The following GALNTL6 variants were observed in gnomAD, a reference collection of about 807,000 sequenced individuals.
The protein encoded by GALNTL6 is polypeptide N-acetylgalactosaminyltransferase like 6, also known as polypeptide N-acetylgalactosaminyltransferase-like 6.
Under a neutral mutation model 73.7 loss-of-function variants are expected in GALNTL6, and 46 were observed. The observed-to-expected ratio is 0.62, with a 90% CI of 0.49 to 0.80. The LOEUF (loss-of-function observed/expected upper bound fraction) is 0.80, where lower values mean the gene tolerates loss of function less well. Ranked by LOEUF, GALNTL6 falls within the 30% of genes least tolerant of loss-of-function variation. The probability of loss-of-function intolerance (pLI) is 0.00; values close to 1 mark genes in which losing one functional copy is unlikely to be tolerated. For synonymous variants in GALNTL6, 259 were observed against 263.7 expected (o/e 0.98, Z 0.17); for missense variants, 604 against 755.0 (o/e 0.80, Z 2.34).
chr4:171,828,586 C>A (rs1024315529), intron 2 of GALNTL6, among the ~76,000 whole-genome samples: 1 of 152,090 alleles, frequency 6.6e-6, no homozygotes, highest in South Asian at 2.1e-4. Flanking sequence ...CAATGCAGTA[C>A]GCTACATGTC....
At chr4:171,885,884 T>C (rs1736594209) in intron 2 of GALNTL6, among the ~76,000 whole-genome samples, 1 of 152,198 alleles carries the variant, frequency 6.6e-6, no homozygotes, top group Non-Finnish European at 1.5e-5. Context: ...CATTTTATAT[T>C]CTTCTGAGAA....
At position 172,097,979 on chromosome 4, in the gene GALNTL6, T is replaced by C. The variant is rs575671346; in HGVS notation, c.139-131677T>C. 9.9e-5 allele frequency among the ~76,000 whole-genome samples: 15 copies of C among 152,112 alleles called. No individual in the cohort carries two copies. In the East Asian group the frequency reaches 1.7e-3, roughly 18 times the overall value. ...GAAAGCTGGAAGGTTTAAAATTTCA[T>C]AGGAGCACACTTTTGCCAAAGGAAA... On this transcript the variant is annotated intron_variant, in intron 2 of 12. Coordinates refer to ENST00000506823, the MANE Select transcript of GALNTL6 (RefSeq NM_001034845.3).
chr4:172,079,841 T>C (rs1731824103), intron 2 of GALNTL6, among the ~76,000 whole-genome samples: 1 of 152,094 alleles, frequency 6.6e-6, no homozygotes, highest in South Asian at 2.1e-4. Flanking sequence ...CACTTTTTTT[T>C]TTACAAAATT....
At chr4:172,080,803 G>T (rs1391003784) in intron 2 of GALNTL6, among the ~76,000 whole-genome samples, 2 of 151,212 alleles carry the variant, frequency 1.3e-5, no homozygotes, top group African/African-American at 2.4e-5. Context: ...ATAAAATATA[G>T]TATATAAATT....
chr4:172,771,759 G>A (rs747130529), intron 5 of GALNTL6, among the ~76,000 whole-genome samples: 2 of 152,134 alleles, frequency 1.3e-5, no homozygotes, highest in Non-Finnish European at 2.9e-5. Flanking sequence ...ATGTCTATGG[G>A]TTAAGTTTAA....
At chr4:172,950,009 A>T (rs940207710) in intron 9 of GALNTL6, among the ~76,000 whole-genome samples, 1 of 152,234 alleles carries the variant, frequency 6.6e-6, no homozygotes. Context: ...AATGCATTTC[A>T]TACAGAATGT....
chr4:172,155,546 C>T (rs1734229489), intron 2 of GALNTL6, among the ~76,000 whole-genome samples: 1 of 152,162 alleles, frequency 6.6e-6, no homozygotes, highest in African/African-American at 2.4e-5. Flanking sequence ...ACATAATCAT[C>T]TATATCTACA....
At chr4:171,992,598 G>A (rs529911579) in intron 2 of GALNTL6, among the ~76,000 whole-genome samples, 1 of 152,036 alleles carries the variant, frequency 6.6e-6, no homozygotes, top group Non-Finnish European at 1.5e-5. Context: ...GGTCTGTAAT[G>A]CAGATTTATT....
intron 5 of GALNTL6, among the ~76,000 whole-genome samples, chr4:172,628,479 C>A (rs569242537): frequency 6.6e-6 from 1 of 152,164 alleles, no homozygotes; most frequent in East Asian, 1.9e-4. Context: ...TGCCTATAAT[C>A]CCAGCACTTT....
chr4:171,862,484 A>C (rs1169959123), intron 2 of GALNTL6, among the ~76,000 whole-genome samples: 1 of 152,048 alleles, frequency 6.6e-6, no homozygotes, highest in Non-Finnish European at 1.5e-5. Context: ...AATATATAAA[A>C]CTGTTTTTGA....
intron 2 of GALNTL6, among the ~76,000 whole-genome samples, chr4:172,073,907 A>G (rs1200605969): frequency 6.6e-6 from 1 of 152,198 alleles, no homozygotes; most frequent in Non-Finnish European, 1.5e-5. Flanking sequence ...TATGTTAAGG[A>G]GGCAGCTTTG....
intron 5 of GALNTL6, among the ~76,000 whole-genome samples, chr4:172,439,956 G>C (rs1190030031): frequency 6.6e-6 from 1 of 152,028 alleles, no homozygotes; most frequent in Non-Finnish European, 1.5e-5. Context: ...TTACATTAGG[G>C]CTCACTCTTG....
chr4:172,459,509 A>C (rs1441225663), intron 5 of GALNTL6, among the ~76,000 whole-genome samples: 1 of 152,250 alleles, frequency 6.6e-6, no homozygotes, highest in African/African-American at 2.4e-5. Context: ...AAGCAACTTC[A>C]GCAAAGTCTC....
intron 3 of GALNTL6, among the ~76,000 whole-genome samples, chr4:172,235,187 AT>A (rs1473306184): frequency 3.3e-5 from 5 of 150,758 alleles, no homozygotes. Flanking sequence ...TTCTTAATCT[AT>A]TTCTACAAAA....
chr4:173,012,394 C>A (rs923058235), intron 11 of GALNTL6, among the ~76,000 whole-genome samples: 2 of 152,106 alleles, frequency 1.3e-5, no homozygotes, highest in African/African-American at 2.4e-5. Flanking sequence ...CATCATGATG[C>A]GAGGAAAACA....
intron 4 of GALNTL6, among the ~76,000 whole-genome samples, 198 bp downstream of exon 4, chr4:172,311,950 A>G (rs1284145918): frequency 3.3e-5 from 5 of 152,166 alleles, no homozygotes; most frequent in Non-Finnish European, 7.4e-5. Context: ...AACAATACTG[A>G]ATTTCTAAAA....
At chr4:172,113,585 G>T (rs1324826483) in intron 2 of GALNTL6, among the ~76,000 whole-genome samples, 1 of 152,010 alleles carries the variant, frequency 6.6e-6, no homozygotes, top group Non-Finnish European at 1.5e-5. Flanking sequence ...CACTGTGAAT[G>T]CTGCTTTGAA....
intron 5 of GALNTL6, among the ~76,000 whole-genome samples, chr4:172,760,251 A>G (rs1738002321): frequency 6.6e-6 from 1 of 152,132 alleles, no homozygotes; most frequent in Admixed American, 6.5e-5. Context: ...AGAACCTCTG[A>G]TGTGGGCCAG....
chr4:172,101,503 G>A (rs1732519053), intron 2 of GALNTL6, among the ~76,000 whole-genome samples: 1 of 152,024 alleles, frequency 6.6e-6, no homozygotes, highest in Admixed American at 6.6e-5. Flanking sequence ...ATGCTTACTG[G>A]TATCTTATTT....
Sources: gnomAD v4.1 joint callset for allele counts (sites outside exome capture counted in the v4.1 genomes callset) on GRCh38, gnomAD v4.1.1 for gene constraint, MANE v1.5 for transcripts, NCBI Gene and HGNC (gene_info 2026-07-23, HGNC 2026-07-21) for gene names.